Variants in ROBO1 observed in about 807,000 individuals in gnomAD.
ROBO1 encodes the protein roundabout guidance receptor 1.
A neutral mutation model predicts 195.9 loss-of-function variants in ROBO1; 149 were observed. That is an observed-to-expected ratio of 0.76 (90% CI 0.67 to 0.87). The LOEUF is 0.87. Among genes scored for constraint, ROBO1 ranks in the 40% least tolerant of loss-of-function variants. ROBO1 has a pLI of 0.00. For synonymous variants in ROBO1, 816 were observed against 733.2 expected, an observed-to-expected ratio of 1.11 and a Z score of -1.82; for missense variants, 1,933 against 2,068.3, an observed-to-expected ratio of 0.93 and a Z score of 1.27.
intron 8 of ROBO1, among the ~76,000 whole-genome samples, chr3:78,708,387 A>AT (rs950113106): frequency 1.3e-4 from 20 of 151,558 alleles, no homozygotes; most frequent in South Asian, 2.1e-4. Flanking sequence ...GAGTAAATAG[A>AT]TTTTTTTTTC....
At chr3:79,350,037 T>A (rs2109260618) in intron 2 of ROBO1, among the ~76,000 whole-genome samples, 1 of 152,294 alleles carries the variant, frequency 6.6e-6, no homozygotes, top group East Asian at 1.9e-4. Flanking sequence ...TTTAAAATGA[T>A]ATATCTGATA....
chr3:79,565,291 T>C (rs1303516323), intron 2 of ROBO1, among the ~76,000 whole-genome samples: 1 of 151,816 alleles, frequency 6.6e-6, no homozygotes, highest in Non-Finnish European at 1.5e-5. Flanking sequence ...ATTCCTCTTT[T>C]TCTTTGTGTG....
chr3:79,077,433 A>T, intron 3 of ROBO1, among the ~76,000 whole-genome samples: 1 of 151,906 alleles, frequency 6.6e-6, no homozygotes, highest in Admixed American at 6.6e-5. Flanking sequence ...ATCTATATAC[A>T]CAGACATGTA....
At chr3:78,779,499 T>A (rs1220747008) in intron 4 of ROBO1, among the ~76,000 whole-genome samples, 5 of 151,976 alleles carry the variant, frequency 3.3e-5, no homozygotes, top group Non-Finnish European at 5.9e-5. Context: ...AACAAACATA[T>A]GAAAAAAAGC....
At chr3:79,047,925 C>A (rs1043742582) in intron 3 of ROBO1, among the ~76,000 whole-genome samples, 10 of 152,014 alleles carry the variant, frequency 6.6e-5, no homozygotes, top group Non-Finnish European at 1.3e-4. Flanking sequence ...ATGTCTACTG[C>A]CAAAGGAAAG....
intron 5 of ROBO1, among the ~76,000 whole-genome samples, chr3:78,723,601 C>T (rs989107579): frequency 1.3e-5 from 2 of 152,014 alleles, no homozygotes; most frequent in Non-Finnish European, 2.9e-5. Flanking sequence ...TTCCTCTCCC[C>T]GGAGATATCT....
At chr3:79,103,981 G>A (rs970653269) in intron 3 of ROBO1, among the ~76,000 whole-genome samples, 1 of 151,696 alleles carries the variant, frequency 6.6e-6, no homozygotes, top group Non-Finnish European at 1.5e-5. Context: ...AAAGGGAGGA[G>A]GAATATGGCC....
rs184296707 is a variant in ROBO1 at position 78,942,453 on chromosome 3, T to C, written c.173-3526A>G. On this transcript the variant is annotated intron_variant, in intron 3 of 30. Transcript: ENST00000464233. ...TAAAAGGAAATGCAAATACACAGGA[T>C]GGAGGACAAGCAGAGGGTAGGGAGA... Among the ~76,000 whole-genome samples the C allele has an allele frequency of 2.6e-4, 39 of 152,140 alleles. No homozygotes were observed. The East Asian group carries it at 4.9e-3, about 19-fold the overall frequency.
intron 3 of ROBO1, among the ~76,000 whole-genome samples, chr3:79,065,830 A>C (rs2078994518): frequency 6.6e-6 from 1 of 152,010 alleles, no homozygotes. Context: ...ATACAAACTA[A>C]AACACAGCAA....
chr3:79,445,789 G>A (rs2039231366), intron 2 of ROBO1, among the ~76,000 whole-genome samples: 1 of 151,376 alleles, frequency 6.6e-6, no homozygotes, highest in African/African-American at 2.4e-5. Context: ...AGCCTCCCGA[G>A]TAGCTGGGAC....
intron 2 of ROBO1, among the ~76,000 whole-genome samples, chr3:79,323,287 G>A (rs1457009591): frequency 1.3e-5 from 2 of 151,996 alleles, no homozygotes; most frequent in Non-Finnish European, 2.9e-5. Context: ...TCATCATGTT[G>A]GCCAGGCTGG....
intron 3 of ROBO1, among the ~76,000 whole-genome samples, chr3:79,086,180 G>C (rs1397565641): frequency 2.6e-5 from 4 of 151,076 alleles, no homozygotes; most frequent in African/African-American, 7.3e-5. Context: ...TGTATCCAAA[G>C]AAGTCCCTCA....
chr3:79,601,642 T>G (rs1227310201), intron 1 of ROBO1, among the ~76,000 whole-genome samples: 1 of 151,938 alleles, frequency 6.6e-6, no homozygotes, highest in Admixed American at 6.6e-5. Context: ...ATAAAAACTA[T>G]AATACTCATA....
intron 2 of ROBO1, among the ~76,000 whole-genome samples, chr3:79,487,777 T>C (rs1939239135): frequency 6.6e-6 from 1 of 152,162 alleles, no homozygotes; most frequent in African/African-American, 2.4e-5. Flanking sequence ...AATTAACTTA[T>C]GAGGTCAAAA....
At chr3:79,226,848 A>G (rs2108841100) in intron 2 of ROBO1, among the ~76,000 whole-genome samples, 1 of 152,166 alleles carries the variant, frequency 6.6e-6, no homozygotes, top group East Asian at 1.9e-4. Flanking sequence ...CACCTGGCCA[A>G]CTTTCTGTTC....
chr3:79,311,977 T>C (rs1055005819), intron 2 of ROBO1, among the ~76,000 whole-genome samples: 8 of 152,166 alleles, frequency 5.3e-5, no homozygotes, highest in Admixed American at 5.2e-4. Flanking sequence ...TATCCAATTC[T>C]GAACTCCCCT....
At chr3:78,973,578 T>TAG (rs1491297007) in intron 3 of ROBO1, among the ~76,000 whole-genome samples, 70 of 58,412 alleles carry the variant, frequency 1.2e-3, no homozygotes, top group Non-Finnish European at 1.4e-3. Flanking sequence ...TATGAAGCTA[T>TAG]ATATATATAT....
intron 1 of ROBO1, among the ~76,000 whole-genome samples, chr3:79,597,304 G>T (rs1433721276): frequency 2.0e-5 from 3 of 151,860 alleles, no homozygotes; most frequent in Non-Finnish European, 4.4e-5. Context: ...AGCCAAAAGG[G>T]TATAATACCT....
intron 2 of ROBO1, among the ~76,000 whole-genome samples, chr3:79,270,436 CT>C (rs1357461158): frequency 6.8e-6 from 1 of 146,724 alleles, no homozygotes; most frequent in African/African-American, 2.5e-5. Flanking sequence ...CAAATGTCAA[CT>C]TAAAAAAAAA....
Sources: allele counts gnomAD v4.1 joint callset (sites outside exome capture counted in the v4.1 genomes callset), GRCh38; gene constraint gnomAD v4.1.1; transcripts MANE v1.5; gene names NCBI Gene and HGNC (gene_info 2026-07-23, HGNC 2026-07-21).